MFSD11: variants seen among roughly 807,000 people sequenced by gnomAD.
MFSD11 encodes UNC93-like protein MFSD11.
A neutral mutation model predicts 53.5 loss-of-function variants in MFSD11; 36 were observed. The ratio of observed to expected loss-of-function variants is 0.67; its 90% confidence interval spans 0.52 to 0.89. MFSD11 has a LOEUF of 0.89. Among genes scored for constraint, MFSD11 ranks in the 40% least tolerant of loss-of-function variants. The pLI is 0.00. For missense variants in MFSD11, 530 were observed against 543.9 expected (o/e 0.97, Z 0.25); for synonymous variants, 186 against 184.9 (o/e 1.01, Z -0.05).
chr17:76,781,932 C>T (rs949489284), downstream of MFSD11, among the ~76,000 whole-genome samples: 4 of 152,012 alleles, frequency 2.6e-5, no homozygotes, highest in South Asian at 2.1e-4. Context: ...AGCAATATTC[C>T]GGCCTCAGTC....
intron 5 of MFSD11, among the ~76,000 whole-genome samples, chr17:76,743,163 C>A (rs8073856): frequency 6.6e-6 from 1 of 151,962 alleles, no homozygotes; most frequent in African/African-American, 2.4e-5. Context: ...TGAAGGGTGC[C>A]TCTGAATCAG....
chr17:76,791,310 A>G, the MFSD11 span, among the ~76,000 whole-genome samples: 1 of 149,276 alleles, frequency 6.7e-6, no homozygotes, highest in South Asian at 2.2e-4. Context: ...CTTCGTTTCA[A>G]TTCACAGGTC....
At chr17:76,758,795 T>A (rs2144586277) in intron 8 of MFSD11, among the ~76,000 whole-genome samples, 1 of 152,124 alleles carries the variant, frequency 6.6e-6, no homozygotes. Flanking sequence ...TTAAGTATAA[T>A]TGACCCTTGA....
chr17:76,789,604 A>G, the MFSD11 span, among the ~76,000 whole-genome samples: 12 of 150,096 alleles, frequency 8.0e-5, 1 homozygote, highest in South Asian at 2.6e-3. Context: ...ACCAGCTGCA[A>G]CCAATTATCA....
chr17:76,764,231 CAT>C (rs896793644), intron 8 of MFSD11, among the ~76,000 whole-genome samples: 5 of 151,842 alleles, frequency 3.3e-5, no homozygotes, highest in African/African-American at 7.3e-5. Flanking sequence ...CATCACCTCA[CAT>C]AGTTATCTTT....
chr17:76,764,875 A>G (rs768868124), intron 8 of MFSD11, among the ~76,000 whole-genome samples: 4 of 152,186 alleles, frequency 2.6e-5, no homozygotes, highest in Non-Finnish European at 4.4e-5. Flanking sequence ...ACCAATTTAC[A>G]TCCTCACCAA....
At chr17:76,745,562 G>A (rs899391266) in intron 7 of MFSD11, 5 of 152,210 alleles carry the variant, frequency 3.3e-5, no homozygotes, top group African/African-American at 1.2e-4. Flanking sequence ...GTTATAAGAT[G>A]TGATCGGTAA....
At chr17:76,745,888 C>T (rs2078498784) in intron 7 of MFSD11, among the ~76,000 whole-genome samples, 1 of 152,092 alleles carries the variant, frequency 6.6e-6, no homozygotes, top group Non-Finnish European at 1.5e-5. Flanking sequence ...AGTGCAGTGG[C>T]ATGATCTCGG....
chr17:76,799,981 A>C, the MFSD11 span, among the ~76,000 whole-genome samples: 2 of 119,720 alleles, frequency 1.7e-5, no homozygotes, highest in Non-Finnish European at 3.2e-5. Context: ...TTTGAGACCG[A>C]GTCTCCCTCC....
At chr17:76,739,906 C>A (rs1443817764) in intron 2 of MFSD11, among the ~76,000 whole-genome samples, 1 of 152,100 alleles carries the variant, frequency 6.6e-6, no homozygotes. Flanking sequence ...GGGGCTCACG[C>A]CTGTAATCCC....
At chr17:76,757,680 GTTC>G (rs1225991793) in intron 8 of MFSD11, among the ~76,000 whole-genome samples, 3 of 152,244 alleles carry the variant, frequency 2.0e-5, no homozygotes, top group South Asian at 2.1e-4. Context: ...CAATGCTAAA[GTTC>G]TTCTACTAGG....
At chr17:76,775,272 G>A in intron 11 of MFSD11, 101 bp downstream of exon 11, 1 of 1,069,812 alleles carries the variant, frequency 9.3e-7, no homozygotes, top group Non-Finnish European at 1.3e-6. Context: ...AGAGAGCCTG[G>A]TGTCTCTCTA....
chr17:76,755,413 C>T (rs1050158397), intron 8 of MFSD11, among the ~76,000 whole-genome samples: 5 of 152,006 alleles, frequency 3.3e-5, no homozygotes, highest in African/African-American at 1.2e-4. Context: ...AAGAGAGCAG[C>T]CTTTTGAGAC....
intron 7 of MFSD11, among the ~76,000 whole-genome samples, chr17:76,750,728 C>G (rs924857079): frequency 2.0e-5 from 3 of 150,098 alleles, no homozygotes; most frequent in Non-Finnish European, 2.9e-5. Context: ...ACAAGATCTT[C>G]TTTACATTAC....
rs903007840 is a variant in MFSD11, at chr17:76,779,277, AAAG to A, written c.*928_*930del. ...CTCAAAAAAAAAAAAAAAAAAAAGA[AAAG>A]AAAATAATAATGATAATTTTTTAAA... On this transcript the variant is annotated 3_prime_UTR_variant, in exon 13 of 13. Transcript: ENST00000685175. 7.3e-5 allele frequency: 11 copies of A among 150,670 alleles called. No individual in the cohort carries two copies. The highest frequency in any genetic ancestry group is 6.2e-4 in the South Asian group (3 of 4,806). 9.3% of individuals were successfully genotyped at this position (150,670 alleles called of 1,614,324 possible). A position where few individuals can be genotyped will look rare whatever the true frequency, so the allele number is the denominator to read the frequency against.
chr17:76,794,704 T>C, the MFSD11 span, among the ~76,000 whole-genome samples: 1 of 87,426 alleles, frequency 1.1e-5, no homozygotes, highest in Admixed American at 1.6e-4. Context: ...TTTTTTTTTT[T>C]TGTTTTGAGA....
chr17:76,793,604 C>T, the MFSD11 span, among the ~76,000 whole-genome samples: 1 of 151,300 alleles, frequency 6.6e-6, no homozygotes, highest in African/African-American at 2.5e-5. Flanking sequence ...TACGAGATGA[C>T]AGGATTGAGA....
At chr17:76,747,737 A>G (rs1226417369) in intron 7 of MFSD11, among the ~76,000 whole-genome samples, 4 of 152,166 alleles carry the variant, frequency 2.6e-5, no homozygotes, top group Non-Finnish European at 5.9e-5. Context: ...CAGCCAGCAC[A>G]TGTTTGGTGT....
Position 76,738,151 on chromosome 17 carries a change from G to C in MFSD11, c.-202G>C. On this transcript the variant is annotated 5_prime_UTR_variant, in exon 1 of 13. Transcript: ENST00000685175. ...TCCGTACTCGGATCGCTTCTTAGGAGTATCCTAACTGCCGGTGGGGAGAAC... is the reference window on the plus strand; with the variant it reads ...TCCGTACTCGGATCGCTTCTTAGGACTATCCTAACTGCCGGTGGGGAGAAC... The C allele has an allele frequency of 1.7e-6, 1 of 603,162 alleles. No homozygotes were observed. The highest frequency in any genetic ancestry group is 2.9e-6 in the Non-Finnish European group (1 of 341,456). 37.4% of individuals were successfully genotyped at this position (603,162 alleles called of 1,614,324 possible).
Sources: allele counts gnomAD v4.1 joint callset (sites outside exome capture counted in the v4.1 genomes callset), GRCh38; gene constraint gnomAD v4.1.1; transcripts MANE v1.5; gene names NCBI Gene and HGNC (gene_info 2026-07-23, HGNC 2026-07-21).